The following TSNAX variants were observed in gnomAD, a reference collection of about 807,000 sequenced individuals.
TSNAX encodes translin-associated protein X.
TSNAX carries 12 observed loss-of-function variants against 33.0 expected under a neutral mutation model. The observed-to-expected ratio is 0.36, with a 90% CI of 0.23 to 0.59. The LOEUF is 0.59. Ranked by LOEUF, TSNAX falls within the 20% of genes least tolerant of loss-of-function variation. The probability of loss-of-function intolerance (pLI) is 0.74; values close to 1 mark genes in which losing one functional copy is unlikely to be tolerated. For synonymous variants in TSNAX, 110 were observed against 117.2 expected (o/e 0.94, Z 0.40); for missense variants, 267 against 341.3 (o/e 0.78, Z 1.72).
chr1:231,563,886 C>CG (rs1353614297), intron 5 of TSNAX, among the ~76,000 whole-genome samples: 1 of 152,004 alleles, frequency 6.6e-6, no homozygotes, highest in Non-Finnish European at 1.5e-5. Flanking sequence ...TAATTTGTAG[C>CG]GGTACAGACT....
intron 1 of TSNAX, 28 bp from the exon 2 acceptor site, chr1:231,529,226 TC>T (rs1175845141): frequency 1.2e-6 from 2 of 1,604,636 alleles, no homozygotes; most frequent in South Asian, 2.2e-5. Flanking sequence ...TGATGGAAGA[TC>T]CCTCTCTTTT....
At chr1:231,532,149 C>CACACACACACACAT (rs1658777421) in intron 2 of TSNAX, among the ~76,000 whole-genome samples, 6 of 85,136 alleles carry the variant, frequency 7.0e-5, no homozygotes, top group Non-Finnish European at 1.7e-4. Flanking sequence ...CACACACACA[C>CACACACACACACAT]ACACACACAC....
chr1:231,542,738 C>T (rs1659658031), intron 4 of TSNAX, 127 bp downstream of exon 4: 4 of 1,138,944 alleles, frequency 3.5e-6, no homozygotes, highest in Non-Finnish European at 5.0e-6. Context: ...AGAACTGCAA[C>T]TTTGTAGTAA....
chr1:231,550,557 G>A (rs969560265), intron 4 of TSNAX, among the ~76,000 whole-genome samples: 1 of 152,226 alleles, frequency 6.6e-6, no homozygotes, highest in African/African-American at 2.4e-5. Flanking sequence ...GGAAAGAGAA[G>A]TGGCTGTCTC....
intron 2 of TSNAX, among the ~76,000 whole-genome samples, chr1:231,529,798 T>G (rs1292680099): frequency 6.6e-6 from 1 of 152,242 alleles, no homozygotes; most frequent in Non-Finnish European, 1.5e-5. Flanking sequence ...CATATCTATA[T>G]ACACATATTT....
At position 231,566,312 on chromosome 1, in the gene TSNAX, C is replaced by G. The variant is rs997234516; in HGVS notation, c.*1407C>G. 1.3e-5 allele frequency: 2 copies of G among 152,408 alleles called. No individual in the cohort carries two copies. Among genetic ancestry groups the G allele is most frequent in the Non-Finnish European group, 2.9e-5 (2 of 67,998 alleles). 9.4% of individuals were successfully genotyped at this position (152,408 alleles called of 1,614,324 possible). On this transcript the variant is annotated 3_prime_UTR_variant, in exon 6 of 6. Coordinates refer to ENST00000366639, the MANE Select transcript of TSNAX (RefSeq NM_005999.3). ...TAGTAATATTTAGAATTGGAATTTG[C>G]CTACTGAAATAGTTATAGATGATTA...
chr1:231,557,159 A>C (rs1417073023), intron 4 of TSNAX, among the ~76,000 whole-genome samples: 1 of 152,140 alleles, frequency 6.6e-6, no homozygotes, highest in Non-Finnish European at 1.5e-5. Context: ...TTTGGTAAGG[A>C]TGTCAGATAC....
Position 231,528,672 on chromosome 1 carries a change from G to A in TSNAX, c.-139G>A. The A allele has an allele frequency of 1.1e-6, 1 of 934,478 alleles. No individual in the cohort carries two copies. Among genetic ancestry groups the A allele is most frequent in the Non-Finnish European group, 1.7e-6 (1 of 597,318 alleles). The allele number at this position is 934,478 out of a possible 1,614,324, so 57.9% of individuals were successfully genotyped here. On this transcript the variant is annotated 5_prime_UTR_variant, in exon 1 of 6. Coordinates refer to ENST00000366639, the MANE Select transcript of TSNAX (RefSeq NM_005999.3). ...GGAAGTACGTGAGAGGAGACTTCCG[G>A]CCACTGCGTTGTAGTCGGCCCGGCT...
Position 231,565,083 on chromosome 1 carries a change from T to C in TSNAX, c.*178T>C, listed in dbSNP as rs1033811886. ...AATTAGCCAAATGAATCATTTCTTA[T>C]ATCTTATTCATGAAAGTTTGCATAC... On this transcript the variant is annotated 3_prime_UTR_variant, in exon 6 of 6. Coordinates refer to ENST00000366639, the MANE Select transcript of TSNAX (RefSeq NM_005999.3). 2 of 782,056 alleles carry C rather than the reference T, an allele frequency of 2.6e-6. No individual in the cohort carries two copies. The highest frequency in any genetic ancestry group is 3.5e-5 in the African/African-American group (2 of 57,150). 48.4% of individuals were successfully genotyped at this position (782,056 alleles called of 1,614,324 possible).
In TSNAX at chr1:231,542,556, A is replaced by G; in HGVS notation, c.312A>G (p.Val104=). ...LDGVRQKIFQ[V]AQELSGEDMH... ...GTGTCAGACAAAAGATATTCCAGGT[A>G]GCCCAAGAGCTATCAGGGGAAGATA... Residue 104 remains valine (V), a synonymous_variant, in exon 4 of 6, where the codon GTA becomes GTG. Coordinates refer to ENST00000366639, the MANE Select transcript of TSNAX (RefSeq NM_005999.3). The G allele has an allele frequency of 6.2e-7, 1 of 1,614,104 alleles. No homozygotes were observed. The highest frequency in any genetic ancestry group is 1.7e-5 in the Admixed American group (1 of 60,032).
chr1:231,544,948 G>T (rs528065782), intron 4 of TSNAX, among the ~76,000 whole-genome samples: 1 of 152,234 alleles, frequency 6.6e-6, no homozygotes, highest in South Asian at 2.1e-4. Context: ...TTAGGCCTTC[G>T]TTTATGATTT....
Position 231,561,224 on chromosome 1 carries a change from C to T in TSNAX, c.464C>T (p.Thr155Met), listed in dbSNP as rs760939212. 1.5e-5 allele frequency: 23 copies of T among 1,557,376 alleles called. No homozygotes were observed. The highest frequency in any genetic ancestry group is 9.6e-5 in the African/African-American group (7 of 72,546). The change falls in exon 5 of 6, where the codon ACG (threonine) becomes ATG (methionine). Residue 155 changes from threonine (T) to methionine (M), a missense_variant. Around this residue, in one of 2 missense-constraint regions of TSNAX, gnomAD observed 200 missense variants for 214.1 expected, o/e 0.93. Coordinates refer to ENST00000366639, the MANE Select transcript of TSNAX (RefSeq NM_005999.3). ...GAAATTAATAAACAATTGATATTTA[C>T]GACTGAAGACAATGGGAAAGAAAAT... The part of the protein sequence containing the change: ...MDEINKQLIF[T>M]TEDNGKENKT...
At chr1:231,535,107 A>G (rs889244900) in intron 2 of TSNAX, 1 of 152,158 alleles carries the variant, frequency 6.6e-6, no homozygotes, top group African/African-American at 2.4e-5. Context: ...CTGGCTCATG[A>G]GCTAAGGGCA....
chr1:231,562,912 A>ACT (rs1661205674), intron 5 of TSNAX, among the ~76,000 whole-genome samples: 1 of 152,186 alleles, frequency 6.6e-6, no homozygotes, highest in African/African-American at 2.4e-5. Flanking sequence ...AGTGCCACTA[A>ACT]CTAGCTATCA....
intron 3 of TSNAX, among the ~76,000 whole-genome samples, chr1:231,541,812 A>G (rs1309723447): frequency 1.3e-5 from 2 of 152,186 alleles, no homozygotes; most frequent in Non-Finnish European, 2.9e-5. Context: ...AGCCTTAGGT[A>G]GTTTCCTCAC....
intron 3 of TSNAX, among the ~76,000 whole-genome samples, chr1:231,538,147 GT>G (rs1167216200): frequency 6.6e-6 from 1 of 151,804 alleles, no homozygotes; most frequent in East Asian, 1.9e-4. Flanking sequence ...TGTGACTTTT[GT>G]TTACATTTTT....
intron 5 of TSNAX, among the ~76,000 whole-genome samples, chr1:231,563,038 T>G (rs1661212861): frequency 6.6e-6 from 1 of 152,156 alleles, no homozygotes; most frequent in Non-Finnish European, 1.5e-5. Context: ...AGTGCTAGGA[T>G]TCAAGTATTA....
chr1:231,559,109 T>C (rs1408620476), intron 4 of TSNAX, among the ~76,000 whole-genome samples: 4 of 152,220 alleles, frequency 2.6e-5, no homozygotes, highest in Non-Finnish European at 5.9e-5. Context: ...AGCAGGACTC[T>C]GTCATAAAAA....
chr1:231,547,395 T>TC (rs1310922967), intron 4 of TSNAX, among the ~76,000 whole-genome samples: 1 of 142,310 alleles, frequency 7.0e-6, no homozygotes, highest in South Asian at 2.3e-4. Flanking sequence ...TTTTCTTTTT[T>TC]TTTTTTTTTT....
Sources: allele counts gnomAD v4.1 joint callset (sites outside exome capture counted in the v4.1 genomes callset), GRCh38; gene constraint gnomAD v4.1.1; regional missense constraint gnomAD v4.1.1; transcripts MANE v1.5; gene names NCBI Gene and HGNC (gene_info 2026-07-23, HGNC 2026-07-21).